MEGF11: variants seen among roughly 807,000 people sequenced by gnomAD.
The protein encoded by MEGF11 is multiple epidermal growth factor-like domains protein 11.
Under a neutral mutation model 146.6 loss-of-function variants are expected in MEGF11, and 126 were observed. The ratio of observed to expected loss-of-function variants is 0.86; its 90% confidence interval spans 0.74 to 1.00. The LOEUF (loss-of-function observed/expected upper bound fraction) is 1.00, where lower values mean the gene tolerates loss of function less well. Ranked by LOEUF, MEGF11 falls within the 50% of genes least tolerant of loss-of-function variation. The probability of loss-of-function intolerance (pLI) is 0.00; values close to 1 mark genes in which losing one functional copy is unlikely to be tolerated. For synonymous variants in MEGF11, 532 were observed against 583.4 expected (o/e 0.91, Z 1.27); for missense variants, 1,509 against 1,521.2 (o/e 0.99, Z 0.13).
rs937659861 is a variant in MEGF11, at chr15:65,972,911, G to A, written c.763-2222C>T. Among the ~76,000 whole-genome samples, 3 of 152,096 alleles carry A rather than the reference G, an allele frequency of 2.0e-5. No individual in the cohort carries two copies. The East Asian group carries it at 5.8e-4, about 29-fold the overall frequency. On this transcript the variant is annotated intron_variant, in intron 7 of 25. Transcript: ENST00000395614. Reference sequence around the variant, plus strand: ...AGGCTGAGGTGGGTGGATCACCTGAGGTTCCAGACCAGCCTGACCAACATA... The same window carrying A: ...AGGCTGAGGTGGGTGGATCACCTGAAGTTCCAGACCAGCCTGACCAACATA...
At chr15:66,021,661 G>A (rs901580484) in intron 5 of MEGF11, among the ~76,000 whole-genome samples, 1 of 152,196 alleles carries the variant, frequency 6.6e-6, no homozygotes, top group African/African-American at 2.4e-5. Context: ...CTTTTCTACA[G>A]GAGGCTCTGG....
intron 5 of MEGF11, among the ~76,000 whole-genome samples, chr15:66,024,809 C>G (rs2083273257): frequency 6.6e-6 from 1 of 152,102 alleles, no homozygotes; most frequent in Non-Finnish European, 1.5e-5. Flanking sequence ...GACGGGGGCA[C>G]TGTAGGGGCA....
At chr15:66,131,545 A>G (rs142654803) in intron 1 of MEGF11, among the ~76,000 whole-genome samples, 134 of 152,330 alleles carry the variant, frequency 8.8e-4, no homozygotes, top group African/African-American at 3.0e-3. Context: ...AGGAATGTGC[A>G]GGAACTTTGG....
chr15:66,052,047 G>C (rs1308520825), intron 5 of MEGF11, among the ~76,000 whole-genome samples: 1 of 152,188 alleles, frequency 6.6e-6, no homozygotes, highest in Admixed American at 6.5e-5. Context: ...TCTCATACAT[G>C]CATCATGAGG....
At chr15:65,976,279 G>C (rs1223559125) in intron 7 of MEGF11, among the ~76,000 whole-genome samples, 1 of 152,098 alleles carries the variant, frequency 6.6e-6, no homozygotes, top group Non-Finnish European at 1.5e-5. Context: ...GACCTCAGGT[G>C]ATCCACCCGC....
chr15:66,210,254 T>A (rs551610651), intron 1 of MEGF11, among the ~76,000 whole-genome samples: 40 of 152,316 alleles, frequency 2.6e-4, no homozygotes, highest in African/African-American at 9.4e-4. Context: ...TGCATGTGAA[T>A]CTACAAATAT....
At chr15:66,062,212 C>A (rs1334329787) in intron 5 of MEGF11, among the ~76,000 whole-genome samples, 1 of 152,184 alleles carries the variant, frequency 6.6e-6, no homozygotes, top group African/African-American at 2.4e-5. Context: ...GCTAGGGTGG[C>A]CCCCATGTTT....
chr15:65,922,445 C>A lies in MEGF11; in HGVS notation c.1850G>T (p.Gly617Val). 6.3e-7 allele frequency: 1 copy of A among 1,581,394 alleles called. No homozygotes were observed. Among genetic ancestry groups the A allele is most frequent in the African/African-American group, 1.3e-5 (1 of 74,340 alleles). ...RICPPGFYGHGCAQPCPLCVH... is the reference protein window; with the variant it reads ...RICPPGFYGHVCAQPCPLCVH... Reference sequence around the variant, plus strand: ...GCAGAGGGGGCATGGCTGGGCGCAGCCGTGGCCATAGAACCCAGGGGGGCA... The same window carrying A: ...GCAGAGGGGGCATGGCTGGGCGCAGACGTGGCCATAGAACCCAGGGGGGCA... The change falls in exon 15 of 26, where the codon GGC becomes GTC. Residue 617 changes from glycine to valine, a missense_variant. Transcript: ENST00000395614.
intron 1 of MEGF11, among the ~76,000 whole-genome samples, chr15:66,178,315 G>A (rs2090447059): frequency 6.6e-6 from 1 of 152,102 alleles, no homozygotes; most frequent in Non-Finnish European, 1.5e-5. Flanking sequence ...GCTTTTCTCT[G>A]GTCTGCCTCA....
At chr15:66,179,894 C>A (rs989298224) in intron 1 of MEGF11, among the ~76,000 whole-genome samples, 1 of 147,360 alleles carries the variant, frequency 6.8e-6, no homozygotes, top group Non-Finnish European at 1.5e-5. Context: ...CTGGATTGCT[C>A]TGTCTCCTAC....
chr15:66,119,233 A>G, intron 3 of MEGF11, 47 bp from the exon 4 acceptor site: 2 of 1,282,890 alleles, frequency 1.6e-6, no homozygotes, highest in Non-Finnish European at 2.2e-6. Flanking sequence ...AAAATCAATC[A>G]CTCCCATTTA....
At chr15:65,972,446 T>C (rs1234387193) in intron 7 of MEGF11, among the ~76,000 whole-genome samples, 1 of 152,208 alleles carries the variant, frequency 6.6e-6, no homozygotes, top group African/African-American at 2.4e-5. Context: ...TGGTGGCTCA[T>C]GCCTATAATT....
At chr15:66,049,957 A>T (rs2084383214) in intron 5 of MEGF11, among the ~76,000 whole-genome samples, 1 of 152,244 alleles carries the variant, frequency 6.6e-6, no homozygotes, top group African/African-American at 2.4e-5. Context: ...ATATTTATCA[A>T]GGGCTTCTTA....
At chr15:66,019,199 C>T (rs1415024320) in intron 5 of MEGF11, among the ~76,000 whole-genome samples, 3 of 152,136 alleles carry the variant, frequency 2.0e-5, no homozygotes, top group African/African-American at 7.2e-5. Context: ...ACCTCCTGAC[C>T]CTTCCCTTCT....
intron 5 of MEGF11, among the ~76,000 whole-genome samples, chr15:66,002,434 G>C (rs2082396826): frequency 6.6e-6 from 1 of 152,226 alleles, no homozygotes; most frequent in Non-Finnish European, 1.5e-5. Context: ...AGTGGACCAA[G>C]GAGAACTTGG....
At chr15:66,244,541 AAAG>A (rs1220733343) in intron 1 of MEGF11, among the ~76,000 whole-genome samples, 1 of 152,240 alleles carries the variant, frequency 6.6e-6, no homozygotes, top group East Asian at 1.9e-4. Context: ...AACATAGAGG[AAAG>A]AAGATGACCC....
At chr15:66,076,819 T>C (rs1405055969) in intron 5 of MEGF11, among the ~76,000 whole-genome samples, 1 of 152,178 alleles carries the variant, frequency 6.6e-6, no homozygotes, top group Non-Finnish European at 1.5e-5. Flanking sequence ...CCAATCTGTT[T>C]CCTTCCAACG....
At chr15:66,156,153 A>T (rs1274561067) in intron 1 of MEGF11, among the ~76,000 whole-genome samples, 1 of 152,164 alleles carries the variant, frequency 6.6e-6, no homozygotes, top group Non-Finnish European at 1.5e-5. Context: ...AAGGAGGGTC[A>T]GAGGCCCCCG....
chr15:65,901,871 A>C (rs2078503993), intron 24 of MEGF11: 1 of 152,204 alleles, frequency 6.6e-6, no homozygotes, highest in Non-Finnish European at 1.5e-5. Context: ...TAGAATGAGG[A>C]ATCTGAAGCT....
Sources: allele counts gnomAD v4.1 joint callset (sites outside exome capture counted in the v4.1 genomes callset), GRCh38; gene constraint gnomAD v4.1.1; transcripts MANE v1.5; gene names NCBI Gene and HGNC (gene_info 2026-07-23, HGNC 2026-07-21).